The following DMTN variants were observed in gnomAD, a reference collection of about 807,000 sequenced individuals.
DMTN encodes dematin.
A neutral mutation model predicts 59.4 loss-of-function variants in DMTN; 27 were observed. That is an observed-to-expected ratio of 0.45 (90% confidence interval 0.33 to 0.63). DMTN has a LOEUF of 0.63. Among genes scored for constraint, DMTN ranks in the 20% least tolerant of loss-of-function variants. The pLI is 0.02. For missense variants in DMTN, 451 were observed against 528.9 expected (o/e 0.85, Z 1.45); for synonymous variants, 221 against 203.7 (o/e 1.08, Z -0.72).
intron 10 of DMTN, among the ~76,000 whole-genome samples, chr8:22,075,018 C>G (rs1207073555): frequency 2.0e-5 from 3 of 151,964 alleles, no homozygotes; most frequent in African/African-American, 7.3e-5. Flanking sequence ...AAAACCCCGT[C>G]TCTCCTAAAA....
At chr8:22,065,895 C>T (rs1315478575) in intron 1 of DMTN, among the ~76,000 whole-genome samples, 1 of 135,086 alleles carries the variant, frequency 7.4e-6, no homozygotes, top group Non-Finnish European at 1.5e-5. Flanking sequence ...GGCTGGAGTG[C>T]AGTGGTGCGA....
chr8:22,078,606 T>A (rs1020816500), intron 10 of DMTN, among the ~76,000 whole-genome samples: 1 of 151,596 alleles, frequency 6.6e-6, no homozygotes, highest in African/African-American at 2.4e-5. Flanking sequence ...CAAAGTTATT[T>A]CCAGGAAAAC....
Position 22,066,861 on chromosome 8 carries a change from C to T in DMTN, c.-15C>T, listed in dbSNP as rs981926205. 1.1e-5 allele frequency: 15 copies of T among 1,407,960 alleles called. No individual in the cohort carries two copies. The African/African-American group carries it at 1.6e-4, about 15-fold the overall frequency. The allele number at this position is 1,407,960 out of a possible 1,614,324, so 87.2% of individuals were successfully genotyped here. A position where few individuals can be genotyped will look rare whatever the true frequency, so the allele number is the denominator to read the frequency against. On this transcript the variant is annotated 5_prime_UTR_variant, in exon 2 of 16. Transcript: ENST00000358242. ...AGGGCTCTGCGAGTGACCCGGCGGG[C>T]GAGCTCCGTGCTGCATGGAACGGCT...
At chr8:22,070,065 T>C in intron 7 of DMTN, 117 bp from the exon 8 acceptor site, 1 of 1,557,622 alleles carries the variant, frequency 6.4e-7, no homozygotes, top group South Asian at 1.2e-5. Context: ...TGCCCCGTGC[T>C]CAGCGTGTAC....
chr8:22,054,587 C>T (rs1000699400), upstream of DMTN, among the ~76,000 whole-genome samples: 1 of 152,200 alleles, frequency 6.6e-6, no homozygotes, highest in African/African-American at 2.4e-5. Context: ...CACTGGGCTT[C>T]CTGGAGTGGG....
chr8:22,052,067 C>A (rs1239847923), upstream of DMTN, among the ~76,000 whole-genome samples: 1 of 152,226 alleles, frequency 6.6e-6, no homozygotes, highest in Non-Finnish European at 1.5e-5. Flanking sequence ...CTCTAGCACA[C>A]ACACACACAC....
At chr8:22,066,613 G>C (rs545549862) in intron 1 of DMTN, 92 bp from the exon 2 acceptor site, 64 of 334,618 alleles carry the variant, frequency 1.9e-4, no homozygotes, top group African/African-American at 1.3e-3. Flanking sequence ...AGCCTCAGCC[G>C]CAAGGGGCCC....
intron 10 of DMTN, among the ~76,000 whole-genome samples, chr8:22,079,303 A>ATATATATATATATATAG (rs67715172): frequency 0.037 from 1,935 of 51,606 alleles, 328 homozygotes; most frequent in East Asian, 0.063. Flanking sequence ...TATATATATT[A>ATATATATATATATATAG]GCTGGGTTTG....
Position 22,080,235 on chromosome 8 carries a change from C to T in DMTN, c.891C>T (p.Thr297=). ...SSSLPAYGRT[T]LSRLQSTEFS... is the part of the protein sequence containing the mutation. ...CTCTCCCCGCCTATGGCAGGACCAC[C>T]CTGAGCCGGGTAAGGTCTCAGGACC... The change falls in exon 11 of 16, where the codon ACC becomes ACT. Residue 297 remains threonine, a synonymous_variant. Transcript: ENST00000358242. 6.2e-7 allele frequency: 1 copy of T among 1,614,228 alleles called. No homozygotes were observed. The highest frequency in any genetic ancestry group is 1.1e-5 in the South Asian group (1 of 91,084).
chr8:22,067,847 G>A (rs144779881), intron 4 of DMTN, among the ~76,000 whole-genome samples, 165 bp downstream of exon 4: 2 of 152,368 alleles, frequency 1.3e-5, no homozygotes, highest in African/African-American at 4.8e-5. Context: ...GTGTTCAAGA[G>A]AGCAGGCAGA....
At chr8:22,075,861 C>T (rs1448240558) in intron 10 of DMTN, among the ~76,000 whole-genome samples, 2 of 152,072 alleles carry the variant, frequency 1.3e-5, no homozygotes, top group Non-Finnish European at 2.9e-5. Flanking sequence ...GGTCTCATTG[C>T]AGAAAGCATG....
In DMTN at chr8:22,081,873, G is replaced by GACC; in HGVS notation, c.*410_*411insACC. ...AGAAAGAGCTCCAGGCTCTTGTGTC[G>GACC]CCCACCCAGCCCTCCCATACTCACT... On this transcript the variant is annotated 3_prime_UTR_variant, in exon 16 of 16. Coordinates refer to ENST00000358242, the MANE Select transcript of DMTN (RefSeq NM_001387751.1). 1 of 460,764 alleles carries GACC rather than the reference G, an allele frequency of 2.2e-6. No individual in the cohort carries two copies. The highest frequency in any genetic ancestry group is 4.3e-6 in the Non-Finnish European group (1 of 230,122). The allele number at this position is 460,764 out of a possible 1,614,324, so 28.5% of individuals were successfully genotyped here. A position where few individuals can be genotyped will look rare whatever the true frequency, so the allele number is the denominator to read the frequency against.
chr8:22,061,749 A>ATTTTTTTTT (rs1175743497), intron 1 of DMTN, among the ~76,000 whole-genome samples: 19 of 119,728 alleles, frequency 1.6e-4, no homozygotes, highest in Non-Finnish European at 2.6e-4. Context: ...CTTAATTCTC[A>ATTTTTTTTT]TTTTTTTTTT....
At position 22,081,081 on chromosome 8, in the gene DMTN, G is replaced by A. The variant is rs753232198; in HGVS notation, c.1024-32G>A. 8 of 1,587,132 alleles carry A rather than the reference G, an allele frequency of 5.0e-6. No individual in the cohort carries two copies. The Admixed American group carries it at 1.0e-4, about 20-fold the overall frequency. On this transcript the variant is annotated intron_variant, in intron 14 of 15. Transcript: ENST00000358242. ...GGAGTCGAAGGACAGGATATTCTGT[G>A]AGCCTAAGATTGCCCCTCCCCCCAC...
upstream of DMTN, among the ~76,000 whole-genome samples, chr8:22,055,997 AG>A (rs1273226982): frequency 2.6e-5 from 4 of 152,164 alleles, no homozygotes; most frequent in Non-Finnish European, 5.9e-5. Context: ...CATTGGGGCC[AG>A]GGCGAGGGTC....
intron 10 of DMTN, among the ~76,000 whole-genome samples, chr8:22,078,378 T>A (rs1270105242): frequency 1.3e-5 from 2 of 150,102 alleles, no homozygotes; most frequent in African/African-American, 2.4e-5. Flanking sequence ...AAACAAAAAA[T>A]ATATATATAC....
upstream of DMTN, among the ~76,000 whole-genome samples, chr8:22,056,101 A>G (rs1428910919): frequency 6.6e-6 from 1 of 152,178 alleles, no homozygotes; most frequent in Non-Finnish European, 1.5e-5. Context: ...TGCTAGAGAC[A>G]GGGAAGGCAC....
chr8:22,063,633 C>T (rs948757074), intron 1 of DMTN, among the ~76,000 whole-genome samples: 4 of 152,198 alleles, frequency 2.6e-5, no homozygotes, highest in African/African-American at 9.7e-5. Context: ...AGGCCCAGTG[C>T]ATCCCCATGT....
upstream of DMTN, among the ~76,000 whole-genome samples, chr8:22,056,661 T>A (rs1195265345): frequency 6.6e-6 from 1 of 151,790 alleles, no homozygotes; most frequent in Non-Finnish European, 1.5e-5. Flanking sequence ...GGGTTAATGC[T>A]CCTCTTGTTT....
Sources: allele counts gnomAD v4.1 joint callset (sites outside exome capture counted in the v4.1 genomes callset), GRCh38; gene constraint gnomAD v4.1.1; transcripts MANE v1.5; gene names NCBI Gene and HGNC (gene_info 2026-07-23, HGNC 2026-07-21).